Variants in MAST2 observed in about 807,000 individuals in gnomAD.
MAST2 encodes microtubule-associated serine/threonine-protein kinase 2.
Under a neutral mutation model 147.4 loss-of-function variants are expected in MAST2, and 70 were observed. The ratio of observed to expected loss-of-function variants is 0.47; its 90% confidence interval spans 0.39 to 0.58. The LOEUF is 0.58. Ranked by LOEUF, MAST2 falls within the 20% of genes least tolerant of loss-of-function variation. The probability of loss-of-function intolerance (pLI) is 0.00; values close to 1 mark genes in which losing one functional copy is unlikely to be tolerated. For missense variants in MAST2, 2,080 were observed against 2,302.3 expected (o/e 0.90, Z 1.98); for synonymous variants, 869 against 896.8 (o/e 0.97, Z 0.55).
At chr1:45,981,948 C>A (rs1158001411) in intron 5 of MAST2, among the ~76,000 whole-genome samples, 1 of 150,726 alleles carries the variant, frequency 6.6e-6, no homozygotes, top group Admixed American at 6.6e-5. Flanking sequence ...TCAAGCAATT[C>A]CCCTGCCTCA....
rs937990027 is a variant in MAST2, at chr1:45,905,305, A to G, written c.500+22910A>G. On this transcript the variant is annotated intron_variant, in intron 4 of 28. Coordinates refer to ENST00000361297, the MANE Select transcript of MAST2 (RefSeq NM_015112.3). The stretch of plus-strand genomic sequence containing the variant: ...GTTCAAGTGATTCCTCTGCCTCAGT[A>G]TCCCAAGTAGCTGGGAGTACAGGCA... 2.7e-5 allele frequency among the ~76,000 whole-genome samples: 4 copies of G among 150,034 alleles called. No individual in the cohort carries two copies. The East Asian group carries it at 8.0e-4, about 30-fold the overall frequency.
At chr1:45,897,652 A>T (rs1317398936) in intron 4 of MAST2, among the ~76,000 whole-genome samples, 1 of 151,888 alleles carries the variant, frequency 6.6e-6, no homozygotes, top group African/African-American at 2.4e-5. Flanking sequence ...TACCAAAAAT[A>T]CAAAAAATTA....
At chr1:46,024,809 A>G (rs1240099959) in intron 15 of MAST2, among the ~76,000 whole-genome samples, 1 of 152,216 alleles carries the variant, frequency 6.6e-6, no homozygotes, top group East Asian at 1.9e-4. Context: ...CTATTAGCAG[A>G]TTCACTTTAC....
rs188885968 is a variant in MAST2 at position 45,921,144 on chromosome 1, C to A, written c.501-38242C>A. On this transcript the variant is annotated intron_variant, in intron 4 of 28. Coordinates refer to ENST00000361297, the MANE Select transcript of MAST2 (RefSeq NM_015112.3). Reference sequence around the variant, plus strand: ...CTGAGTAGCTAGGATTACAGGCGACCGCCACCACGCCCAGCTAATTTTTGT... The same window carrying A: ...CTGAGTAGCTAGGATTACAGGCGACAGCCACCACGCCCAGCTAATTTTTGT... 6.6e-3 allele frequency among the ~76,000 whole-genome samples: 1,011 copies of A among 152,242 alleles called. 12 individuals are homozygous for A. The highest frequency in any genetic ancestry group is 0.023 in the African/African-American group (975 of 41,536).
In MAST2 at chr1:46,034,118, C is replaced by G. The variant is rs1263459209; in HGVS notation, c.3720C>G (p.Ser1240=). The change falls in exon 28 of 29, where the codon TCC becomes TCG. Residue 1240 remains serine (S), a synonymous_variant. Coordinates refer to ENST00000361297, the MANE Select transcript of MAST2 (RefSeq NM_015112.3). ...SLFRKITKQA[S]LLHTSRSLSS... ...TCCGCAAGATCACCAAGCAAGCATC[C>G]CTGCTCCACACCAGCCGCAGCCTTT... 3 of 1,613,948 alleles carry G rather than the reference C, an allele frequency of 1.9e-6. No homozygotes were observed. The highest frequency in any genetic ancestry group is 1.3e-5 in the African/African-American group (1 of 74,908).
At chr1:45,835,238 A>G (rs954548666) in intron 3 of MAST2, among the ~76,000 whole-genome samples, 15 of 152,072 alleles carry the variant, frequency 9.9e-5, no homozygotes, top group African/African-American at 3.6e-4. Context: ...CAAATTTTCA[A>G]TCTTTCGCAT....
chr1:46,004,040 T>C (rs1645381968), intron 7 of MAST2, among the ~76,000 whole-genome samples: 1 of 152,136 alleles, frequency 6.6e-6, no homozygotes. Context: ...CTTTGGCAAC[T>C]GTTAAGTTTA....
intron 4 of MAST2, among the ~76,000 whole-genome samples, chr1:45,941,553 T>C (rs1013463469): frequency 2.0e-5 from 3 of 152,252 alleles, no homozygotes; most frequent in African/African-American, 7.2e-5. Context: ...CTACCGTGCC[T>C]GGCCGTTTTA....
intron 6 of MAST2, 90 bp from the exon 7 acceptor site, chr1:46,002,715 C>T (rs1557457242): frequency 2.7e-6 from 3 of 1,099,486 alleles, no homozygotes; most frequent in East Asian, 4.7e-5. Context: ...AGTGAATCAA[C>T]TGCCCCCAAA....
At chr1:45,893,419 G>A (rs986968544) in intron 4 of MAST2, among the ~76,000 whole-genome samples, 4 of 151,022 alleles carry the variant, frequency 2.6e-5, no homozygotes, top group African/African-American at 9.7e-5. Context: ...TGCAGGGGGC[G>A]GGGTAGAGAT....
intron 4 of MAST2, among the ~76,000 whole-genome samples, chr1:45,941,448 C>T (rs538544598): frequency 5.3e-5 from 8 of 152,110 alleles, no homozygotes; most frequent in East Asian, 1.9e-4. Context: ...TTAGTAGAGA[C>T]GGGGTTTCAC....
chr1:45,852,779 T>C (rs1433454839), intron 3 of MAST2, among the ~76,000 whole-genome samples: 1 of 151,540 alleles, frequency 6.6e-6, no homozygotes, highest in Non-Finnish European at 1.5e-5. Context: ...ATGTATCCAC[T>C]CAGTTCTTTC....
intron 5 of MAST2, among the ~76,000 whole-genome samples, chr1:45,969,242 T>C (rs1316375783): frequency 6.6e-6 from 1 of 152,176 alleles, no homozygotes; most frequent in Non-Finnish European, 1.5e-5. Context: ...GTGAGCTTTG[T>C]AATTTTTTTG....
chr1:46,029,909 T>G lies in MAST2; in HGVS notation c.2399T>G (p.Phe800Cys). The change falls in exon 20 of 29, where the codon TTT (phenylalanine) becomes TGT (cysteine). Residue 800 changes from phenylalanine (F) to cysteine (C), a missense_variant. By Grantham distance (205) the Phe-to-Cys change is radical. This residue lies in a region of MAST2 where 1,278 missense variants were observed against 1,304.2 expected (regional missense o/e 0.98). Transcript: ENST00000361297. ...GGACTTCTCCGCCAGAAGGCTGAAT[T>G]TATTCCTCAGTTGGAGTCAGAGGAT... is the stretch of plus-strand genomic sequence containing the variant. Reference protein sequence around the residue: ...WTGLLRQKAEFIPQLESEDDT... With the variant: ...WTGLLRQKAECIPQLESEDDT... The G allele has an allele frequency of 6.2e-7, 1 of 1,614,188 alleles. No homozygotes were observed. The highest frequency in any genetic ancestry group is 8.5e-7 in the Non-Finnish European group (1 of 1,180,028).
chr1:45,949,552 T>C (rs1044464103), intron 4 of MAST2, among the ~76,000 whole-genome samples: 4 of 152,090 alleles, frequency 2.6e-5, no homozygotes, highest in African/African-American at 9.7e-5. Flanking sequence ...TGGCTGTTGT[T>C]AAAAGTAAAA....
At chr1:45,962,416 A>G (rs1660562842) in intron 5 of MAST2, among the ~76,000 whole-genome samples, 1 of 152,044 alleles carries the variant, frequency 6.6e-6, no homozygotes, top group Non-Finnish European at 1.5e-5. Flanking sequence ...ATTTCTCCAC[A>G]TCCTCTCCAG....
intron 3 of MAST2, among the ~76,000 whole-genome samples, chr1:45,845,921 C>T (rs1045856009): frequency 6.5e-4 from 99 of 152,194 alleles, no homozygotes; most frequent in African/African-American, 2.1e-3. Flanking sequence ...CCACCATGCC[C>T]GGCTAGTTTT....
intron 3 of MAST2, among the ~76,000 whole-genome samples, chr1:45,852,084 T>C (rs1297007991): frequency 6.6e-6 from 1 of 152,130 alleles, no homozygotes; most frequent in Non-Finnish European, 1.5e-5. Flanking sequence ...AATACAATAT[T>C]AAAACCATGA....
At chr1:45,837,028 C>T (rs1164381643) in intron 3 of MAST2, among the ~76,000 whole-genome samples, 1 of 152,150 alleles carries the variant, frequency 6.6e-6, no homozygotes, top group Non-Finnish European at 1.5e-5. Flanking sequence ...CATGCCCCTA[C>T]GAGAATCTAA....
Sources: gnomAD v4.1 joint callset for allele counts (sites outside exome capture counted in the v4.1 genomes callset) on GRCh38, gnomAD v4.1.1 for gene constraint, gnomAD v4.1.1 regional missense constraint, MANE v1.5 for transcripts, NCBI Gene and HGNC (gene_info 2026-07-23, HGNC 2026-07-21) for gene names.